The following KIAA1217 variants were observed in gnomAD, a reference collection of about 807,000 sequenced individuals.
KIAA1217 encodes KIAA1217, also known as sickle tail protein homolog.
Under a neutral mutation model 163.9 loss-of-function variants are expected in KIAA1217, and 88 were observed. The ratio of observed to expected loss-of-function variants is 0.54; its 90% CI spans 0.45 to 0.64. KIAA1217 has a LOEUF of 0.64. KIAA1217 is among the 30% of genes least tolerant of loss of function. The pLI, the probability that KIAA1217 is intolerant of heterozygous loss-of-function variation, is 0.00. For missense variants in KIAA1217, 2,372 were observed against 2,475.0 expected (o/e 0.96, Z 0.88); for synonymous variants, 903 against 923.1 (o/e 0.98, Z 0.39).
chr10:23,802,575 G>T (rs967025434), intron 1 of KIAA1217, among the ~76,000 whole-genome samples: 1 of 152,112 alleles, frequency 6.6e-6, no homozygotes, highest in Non-Finnish European at 1.5e-5. Flanking sequence ...CACCTATCAG[G>T]GTTTTGATTT....
intron 2 of KIAA1217, among the ~76,000 whole-genome samples, chr10:24,321,226 G>A (rs1002650476): frequency 6.6e-6 from 1 of 152,006 alleles, no homozygotes; most frequent in African/African-American, 2.4e-5. Context: ...GTTCATAGCA[G>A]CATTATTCAC....
At chr10:24,525,524 TC>T (rs1358780256) in intron 13 of KIAA1217, among the ~76,000 whole-genome samples, 1 of 152,216 alleles carries the variant, frequency 6.6e-6, no homozygotes, top group African/African-American at 2.4e-5. Flanking sequence ...GCAGCTCTAA[TC>T]CGTGATTTTT....
At chr10:24,230,500 TTG>T (rs2071232577) in intron 2 of KIAA1217, among the ~76,000 whole-genome samples, 1 of 94,168 alleles carries the variant, frequency 1.1e-5, no homozygotes, top group African/African-American at 4.5e-5. Context: ...ACTATTTGTT[TTG>T]TTTTTTTTTT....
At chr10:23,698,182 A>G (rs1836173337) in intron 1 of KIAA1217, among the ~76,000 whole-genome samples, 1 of 152,216 alleles carries the variant, frequency 6.6e-6, no homozygotes, top group South Asian at 2.1e-4. Context: ...AGTTAATGTC[A>G]TTAATTTAGT....
chr10:24,473,746 A>G lies in KIAA1217; in HGVS notation c.1365A>G (p.Ser455=). 6.2e-7 allele frequency: 1 copy of G among 1,614,076 alleles called. No homozygotes were observed. The highest frequency in any genetic ancestry group is 2.2e-5 in the East Asian group (1 of 44,844). ...HMEQSLYRQK[S]RKYPDSHLPT... ...AACAATCACTGTACAGACAGAAATC[A>G]AGGAAATATCCGGATAGCCATTTGC... The change falls in exon 6 of 21, where the codon TCA becomes TCG. Residue 455 remains serine, a synonymous_variant. Transcript: ENST00000376454.
chr10:24,146,673 AC>A, intron 2 of KIAA1217, among the ~76,000 whole-genome samples: 1 of 151,832 alleles, frequency 6.6e-6, no homozygotes, highest in African/African-American at 2.4e-5. Context: ...ACACAGAGAG[AC>A]CCTGTCTCAA....
intron 1 of KIAA1217, among the ~76,000 whole-genome samples, chr10:23,717,999 T>C (rs1837668621): frequency 6.6e-6 from 1 of 152,224 alleles, no homozygotes; most frequent in African/African-American, 2.4e-5. Flanking sequence ...GAATCATATT[T>C]TAGTGTAAAA....
intron 2 of KIAA1217, among the ~76,000 whole-genome samples, chr10:24,277,443 C>T (rs1040375948): frequency 2.0e-5 from 3 of 152,204 alleles, no homozygotes; most frequent in Admixed American, 6.5e-5. Context: ...GGAGACAAGG[C>T]CACCTGCTAT....
At chr10:23,792,098 C>T (rs1835975207) in intron 1 of KIAA1217, among the ~76,000 whole-genome samples, 1 of 152,152 alleles carries the variant, frequency 6.6e-6, no homozygotes, top group South Asian at 2.1e-4. Context: ...AATAGAAAGT[C>T]TCTCATTAGG....
chr10:23,900,936 T>C lies in KIAA1217; in HGVS notation c.-320-106289T>C, dbSNP rs539257586. 2.4e-4 allele frequency among the ~76,000 whole-genome samples: 37 copies of C among 152,190 alleles called. 1 individual carries two copies. In the South Asian group the frequency reaches 7.7e-3, roughly 32 times the overall value. Reference sequence around the variant, plus strand: ...AAGCTTCAGTGGAGATTAGGTAAAATAATGTTTGTAAAAGAGCATATAGTA... The same window carrying C: ...AAGCTTCAGTGGAGATTAGGTAAAACAATGTTTGTAAAAGAGCATATAGTA... On this transcript the variant is annotated intron_variant, in intron 1 of 18. Transcript: ENST00000376462.
intron 2 of KIAA1217, among the ~76,000 whole-genome samples, chr10:24,300,706 T>C (rs1390804755): frequency 6.6e-6 from 1 of 152,180 alleles, no homozygotes; most frequent in Non-Finnish European, 1.5e-5. Context: ...TAGCTGGGAC[T>C]AGAGGCATGC....
At chr10:23,742,682 TCCAC>T (rs1387611123) in intron 1 of KIAA1217, among the ~76,000 whole-genome samples, 5 of 152,148 alleles carry the variant, frequency 3.3e-5, no homozygotes, top group Non-Finnish European at 5.9e-5. Flanking sequence ...TCATGAGGAA[TCCAC>T]CCTCATGACA....
chr10:23,719,543 T>A (rs1332284805), intron 1 of KIAA1217, among the ~76,000 whole-genome samples: 1 of 150,716 alleles, frequency 6.6e-6, no homozygotes. Flanking sequence ...ATCATGCCAC[T>A]GCACTCCAGC....
intron 1 of KIAA1217, among the ~76,000 whole-genome samples, chr10:23,700,464 C>G (rs1836367719): frequency 6.6e-6 from 1 of 151,984 alleles, no homozygotes; most frequent in African/African-American, 2.4e-5. Context: ...TGTGACTCCT[C>G]TGCTTAAATT....
chr10:23,801,343 G>T (rs1414608716), intron 1 of KIAA1217, among the ~76,000 whole-genome samples: 1 of 152,156 alleles, frequency 6.6e-6, no homozygotes, highest in Non-Finnish European at 1.5e-5. Context: ...GAAGACTAGG[G>T]GAGGGATAGC....
At chr10:24,281,955 G>A (rs1048654462) in intron 2 of KIAA1217, among the ~76,000 whole-genome samples, 3 of 152,120 alleles carry the variant, frequency 2.0e-5, no homozygotes, top group South Asian at 2.1e-4. Flanking sequence ...TACTCAGGAG[G>A]CTGAGGCAGG....
chr10:24,215,899 C>T (rs1373498835), intron 1 of KIAA1217, among the ~76,000 whole-genome samples: 1 of 152,174 alleles, frequency 6.6e-6, no homozygotes, highest in Non-Finnish European at 1.5e-5. Flanking sequence ...GAAATTGAGA[C>T]AAAAGGAAGG....
upstream of KIAA1217, among the ~76,000 whole-genome samples, chr10:24,205,454 G>A (rs1304300628): frequency 6.6e-6 from 1 of 151,816 alleles, no homozygotes; most frequent in Non-Finnish European, 1.5e-5. Flanking sequence ...CAGCCTGGGC[G>A]ACAAGAGCAA....
chr10:24,475,560 A>T (rs1246336360), intron 6 of KIAA1217, among the ~76,000 whole-genome samples: 2 of 152,260 alleles, frequency 1.3e-5, no homozygotes, highest in African/African-American at 4.8e-5. Flanking sequence ...TAACTCTCTC[A>T]TGTAGCTAGA....
Sources: gnomAD v4.1 joint callset for allele counts (sites outside exome capture counted in the v4.1 genomes callset) on GRCh38, gnomAD v4.1.1 for gene constraint, MANE v1.5 for transcripts, NCBI Gene and HGNC (gene_info 2026-07-23, HGNC 2026-07-21) for gene names.